The following ZNF420 variants were observed in gnomAD, a reference collection of about 807,000 sequenced individuals.
ZNF420 encodes the protein zinc finger protein 420, also known as ATM and p53-associated KZNF protein.
A neutral mutation model predicts 44.7 loss-of-function variants in ZNF420; 31 were observed. That is an observed-to-expected ratio of 0.69 (90% CI 0.52 to 0.94). The LOEUF is 0.94. ZNF420 is among the 40% of genes least tolerant of loss of function. The pLI is 0.00. For missense variants in ZNF420, 681 were observed against 827.9 expected (o/e 0.82, Z 2.18); for synonymous variants, 245 against 267.4 (o/e 0.92, Z 0.82).
intron 1 of ZNF420, among the ~76,000 whole-genome samples, chr19:37,024,145 C>T (rs1175081746): frequency 3.3e-5 from 5 of 152,124 alleles, no homozygotes; most frequent in African/African-American, 9.7e-5. Context: ...CCAGACATAA[C>T]CTACTGATAA....
chr19:37,048,971 G>GT (rs570189969), intron 1 of ZNF420, among the ~76,000 whole-genome samples: 2 of 150,498 alleles, frequency 1.3e-5, no homozygotes, highest in Non-Finnish European at 3.0e-5. Flanking sequence ...GTGGTGTTTG[G>GT]TTTTTTGTCC....
In ZNF420 at chr19:37,129,018, G is replaced by A; in HGVS notation, c.2027G>A (p.Cys676Tyr). 1 of 1,613,526 alleles carries A rather than the reference G, an allele frequency of 6.2e-7. No homozygotes were observed. Among genetic ancestry groups the A allele is most frequent in the African/African-American group, 1.3e-5 (1 of 75,058 alleles). ...GAGAAATCTTTTGAATATAAGGAAT[G>A]TGGGATTGACTTTAGTCATGGCTCA... is the stretch of plus-strand genomic sequence containing the variant. ...ISEKSFEYKECGIDFSHGSQV... is the reference protein window; with the variant it reads ...ISEKSFEYKEYGIDFSHGSQV... The change falls in exon 5 of 5, where the codon TGT (cysteine) becomes TAT (tyrosine). Residue 676 changes from cysteine to tyrosine, a missense_variant. By Grantham distance (194) the Cys-to-Tyr change is radical. This residue lies in a region of ZNF420 where 280 missense variants were observed against 338.6 expected (regional missense o/e 0.83). Transcript: ENST00000337995.
In ZNF420 at chr19:37,020,008, GA is replaced by G. The variant is rs1332157905; in HGVS notation, c.-125+11927del. Among the ~76,000 whole-genome samples, 23 of 152,116 alleles carry G rather than the reference GA, an allele frequency of 1.5e-4. 1 individual carries two copies. Among genetic ancestry groups the G allele is most frequent in the Middle Eastern group, 3.4e-3 (1 of 292 alleles). ...TGAGGAGGGCGGATCATAAGGTCAG[GA>G]GATCGAGAACATCCTGGCTAACCCG... On this transcript the variant is annotated intron_variant, in intron 1 of 4. Transcript: ENST00000587029.
upstream of ZNF420, among the ~76,000 whole-genome samples, chr19:37,076,380 AT>A (rs869100761): frequency 9.4e-6 from 1 of 106,850 alleles, no homozygotes; most frequent in African/African-American, 3.9e-5. Context: ...TTTTATTTTT[AT>A]TTATTTATTA....
At chr19:37,057,570 A>G (rs1411781241) in intron 1 of ZNF420, among the ~76,000 whole-genome samples, 1 of 151,866 alleles carries the variant, frequency 6.6e-6, no homozygotes, top group Non-Finnish European at 1.5e-5. Flanking sequence ...TGCGCCAAAA[A>G]GCGATTTCTT....
chr19:37,038,928 G>A (rs544198606), intron 1 of ZNF420, among the ~76,000 whole-genome samples: 17 of 152,032 alleles, frequency 1.1e-4, no homozygotes, highest in African/African-American at 3.9e-4. Context: ...GGAGGTTGCA[G>A]TGAGTCGAGA....
intron 1 of ZNF420, among the ~76,000 whole-genome samples, chr19:37,032,097 T>C (rs972146988): frequency 6.6e-6 from 1 of 151,650 alleles, no homozygotes; most frequent in Non-Finnish European, 1.5e-5. Context: ...GTAATCCCAA[T>C]GCTTTGGGAG....
At position 37,055,196 on chromosome 19, in the gene ZNF420, A is replaced by G. The variant is rs191047065; in HGVS notation, c.-124-25149A>G. 5.9e-5 allele frequency among the ~76,000 whole-genome samples: 9 copies of G among 152,330 alleles called. No individual in the cohort carries two copies. In the East Asian group the frequency reaches 1.7e-3, roughly 29 times the overall value. ...AGGAGTTGGAGATGAGCGAGGCAAC[A>G]TAGTAAGTCCCCATTCATACAAAAA... On this transcript the variant is annotated intron_variant, in intron 1 of 4. Transcript: ENST00000587029.
At chr19:37,052,130 C>T (rs1414327108) in intron 1 of ZNF420, among the ~76,000 whole-genome samples, 3 of 152,030 alleles carry the variant, frequency 2.0e-5, no homozygotes, top group Admixed American at 2.0e-4. Flanking sequence ...CCTTCTTTGT[C>T]TCTTTTGATC....
chr19:37,102,501 G>T (rs145811606), intron 4 of ZNF420, among the ~76,000 whole-genome samples: 1 of 152,256 alleles, frequency 6.6e-6, no homozygotes, highest in Non-Finnish European at 1.5e-5. Context: ...TTAGGCAGAT[G>T]GTTTTGATTG....
intron 1 of ZNF420, among the ~76,000 whole-genome samples, chr19:37,053,049 C>G (rs561968346): frequency 6.6e-6 from 1 of 152,258 alleles, no homozygotes; most frequent in South Asian, 2.1e-4. Context: ...TTCTTGGAGG[C>G]TTTGTTCATT....
At chr19:37,033,095 G>T (rs1760225891) in intron 1 of ZNF420, among the ~76,000 whole-genome samples, 1 of 152,172 alleles carries the variant, frequency 6.6e-6, no homozygotes, top group South Asian at 2.1e-4. Flanking sequence ...GATTGAGGGA[G>T]ACTTCATTTT....
At position 37,053,128 on chromosome 19, in the gene ZNF420, A is replaced by T. The variant is rs1368919842; in HGVS notation, c.-124-27217A>T. 3.3e-5 allele frequency among the ~76,000 whole-genome samples: 5 copies of T among 152,132 alleles called. No homozygotes were observed. In the East Asian group the frequency reaches 9.6e-4, roughly 29 times the overall value. Reference sequence around the variant, plus strand: ...TCATTCATTTGATCTTCCATCAGTGATACCCTTTCTTCCAGTTGATCAAAT... The same window carrying T: ...TCATTCATTTGATCTTCCATCAGTGTTACCCTTTCTTCCAGTTGATCAAAT... On this transcript the variant is annotated intron_variant, in intron 1 of 4. Coordinates refer to the ZNF420 transcript ENST00000587029.
intron 4 of ZNF420, among the ~76,000 whole-genome samples, chr19:37,104,102 G>A (rs1286362761): frequency 2.0e-5 from 3 of 151,518 alleles, no homozygotes; most frequent in African/African-American, 4.9e-5. Flanking sequence ...TTTACATTAG[G>A]TATATCTCCT....
At chr19:37,037,500 A>G (rs1967378027) in intron 1 of ZNF420, among the ~76,000 whole-genome samples, 1 of 152,158 alleles carries the variant, frequency 6.6e-6, no homozygotes, top group South Asian at 2.1e-4. Context: ...GGGCATCTCC[A>G]TTATTTTGGA....
rs377635586 is a variant in ZNF420, at chr19:37,128,725, G to A, written c.1734G>A (p.Gln578=). The A allele has an allele frequency of 1.1e-5, 17 of 1,613,790 alleles. No individual in the cohort carries two copies. Among genetic ancestry groups the A allele is most frequent in the Non-Finnish European group, 1.4e-5 (16 of 1,179,966 alleles). The change falls in exon 5 of 5, where the codon CAG becomes CAA. Residue 578 remains glutamine (Q), a synonymous_variant. Coordinates refer to ENST00000337995, the MANE Select transcript of ZNF420 (RefSeq NM_144689.5). ...GTGGTTCACAGTTGACTCAACATCAGCGAATTCACACTGGAGAAAAACCCT... is the reference window on the plus strand; with the variant it reads ...GTGGTTCACAGTTGACTCAACATCAACGAATTCACACTGGAGAAAAACCCT... ...FIRGSQLTQH[Q]RIHTGEKPYE...
At chr19:37,033,361 T>C (rs1254386502) in intron 1 of ZNF420, among the ~76,000 whole-genome samples, 1 of 152,184 alleles carries the variant, frequency 6.6e-6, no homozygotes, top group African/African-American at 2.4e-5. Flanking sequence ...ACAATAGCCC[T>C]TCATTACTCT....
intron 1 of ZNF420, among the ~76,000 whole-genome samples, chr19:37,060,469 T>C (rs1298731685): frequency 2.0e-5 from 3 of 152,160 alleles, no homozygotes; most frequent in Admixed American, 2.0e-4. Flanking sequence ...GCCTCCCTCT[T>C]GCTCTGTCTC....
chr19:37,075,739 C>T (rs1053404660), upstream of ZNF420, among the ~76,000 whole-genome samples: 1 of 151,840 alleles, frequency 6.6e-6, no homozygotes. Context: ...GAGACTCTGT[C>T]TCAAAACAAA....
Sources: allele counts gnomAD v4.1 joint callset (sites outside exome capture counted in the v4.1 genomes callset), GRCh38; gene constraint gnomAD v4.1.1; regional missense constraint gnomAD v4.1.1; transcripts MANE v1.5; gene names NCBI Gene and HGNC (gene_info 2026-07-23, HGNC 2026-07-21).